FCHSD2: variants seen among roughly 807,000 people sequenced by gnomAD.
FCHSD2 encodes the protein F-BAR and double SH3 domains protein 2.
Under a neutral mutation model 108.1 loss-of-function variants are expected in FCHSD2, and 38 were observed. The observed-to-expected ratio is 0.35, with a 90% CI of 0.27 to 0.46. The LOEUF is 0.46. Ranked by LOEUF, FCHSD2 falls within the 20% of genes least tolerant of loss-of-function variation. The pLI, the probability that FCHSD2 is intolerant of heterozygous loss-of-function variation, is 1.00. For missense variants in FCHSD2, 751 were observed against 897.8 expected (o/e 0.84, Z 2.09); for synonymous variants, 279 against 314.7 (o/e 0.89, Z 1.20).
intron 2 of FCHSD2, among the ~76,000 whole-genome samples, chr11:73,091,972 T>C (rs1386819177): frequency 1.3e-5 from 2 of 151,964 alleles, no homozygotes; most frequent in East Asian, 3.9e-4. Flanking sequence ...GAGACAGAGG[T>C]TGCAGTGAGC....
chr11:72,922,834 A>G (rs1331585723), intron 8 of FCHSD2, among the ~76,000 whole-genome samples: 1 of 152,194 alleles, frequency 6.6e-6, no homozygotes, highest in Non-Finnish European at 1.5e-5. Context: ...AAAGTGTACA[A>G]CTCAGTGGCT....
At chr11:73,141,017 A>G (rs1183465209) in intron 1 of FCHSD2, among the ~76,000 whole-genome samples, 4 of 152,204 alleles carry the variant, frequency 2.6e-5, no homozygotes, top group Admixed American at 2.6e-4. Context: ...TTTGCCCACG[A>G]GGGGAGGACA....
At chr11:72,880,488 T>C (rs930078270) in intron 12 of FCHSD2, among the ~76,000 whole-genome samples, 29 of 152,244 alleles carry the variant, frequency 1.9e-4, no homozygotes, top group African/African-American at 1.9e-4. Context: ...AGAATTTACA[T>C]TGGGGAAAGG....
In FCHSD2 at chr11:72,957,938, CAT is replaced by C. The variant is rs1856746889; in HGVS notation, c.705+26148_705+26149del. Among the ~76,000 whole-genome samples the C allele has an allele frequency of 2.6e-5, 4 of 152,094 alleles. No individual in the cohort carries two copies. The South Asian group carries it at 8.3e-4, about 32-fold the overall frequency. On this transcript the variant is annotated intron_variant, in intron 8 of 19. Coordinates refer to ENST00000409418, the MANE Select transcript of FCHSD2 (RefSeq NM_014824.3). Reference sequence around the variant, plus strand: ...TTCTACAAGTTTGGAATTATATAAACATAAATTATTTTAAAAAGTTAACATAA... The same window carrying C: ...TTCTACAAGTTTGGAATTATATAAACAAATTATTTTAAAAAGTTAACATAA...
intron 3 of FCHSD2, among the ~76,000 whole-genome samples, chr11:73,067,095 C>CA (rs1488669831): frequency 6.6e-6 from 1 of 152,122 alleles, no homozygotes; most frequent in Non-Finnish European, 1.5e-5. Flanking sequence ...AAATGTCTAT[C>CA]AATTATAGAC....
chr11:72,897,362 T>G (rs955027012), intron 10 of FCHSD2, among the ~76,000 whole-genome samples: 1 of 149,528 alleles, frequency 6.7e-6, no homozygotes, highest in Non-Finnish European at 1.5e-5. Context: ...GTACTGAACA[T>G]GTACAGACTT....
At chr11:72,928,153 T>A (rs778315920) in intron 8 of FCHSD2, among the ~76,000 whole-genome samples, 2 of 151,748 alleles carry the variant, frequency 1.3e-5, no homozygotes, top group Non-Finnish European at 2.9e-5. Context: ...TACGTGGGGG[T>A]CATTATACTG....
chr11:73,073,069 G>A (rs1019648880), intron 3 of FCHSD2, among the ~76,000 whole-genome samples: 1 of 152,134 alleles, frequency 6.6e-6, no homozygotes, highest in African/African-American at 2.4e-5. Flanking sequence ...TTCACTAGCA[G>A]CATTCTGCCA....
intron 3 of FCHSD2, among the ~76,000 whole-genome samples, chr11:73,056,108 C>G (rs1267161621): frequency 6.6e-6 from 1 of 152,180 alleles, no homozygotes; most frequent in African/African-American, 2.4e-5. Context: ...TGCTTACTAT[C>G]TTTGACCTAC....
intron 6 of FCHSD2, among the ~76,000 whole-genome samples, chr11:72,985,963 T>C (rs779630693): frequency 6.6e-6 from 1 of 152,100 alleles, no homozygotes; most frequent in Non-Finnish European, 1.5e-5. Context: ...ATTCAATACA[T>C]GTGTTGGCAG....
intron 2 of FCHSD2, among the ~76,000 whole-genome samples, chr11:73,085,996 T>A (rs765994363): frequency 2.0e-5 from 3 of 152,200 alleles, no homozygotes; most frequent in South Asian, 2.1e-4. Flanking sequence ...TTTAAAGATG[T>A]TCAAAGAATT....
chr11:73,010,259 T>C (rs999364426), intron 4 of FCHSD2, among the ~76,000 whole-genome samples: 2 of 152,220 alleles, frequency 1.3e-5, no homozygotes, highest in Non-Finnish European at 2.9e-5. Context: ...GGTTCTTTTT[T>C]ATATCTCTCT....
At chr11:73,125,903 G>A (rs1860843376) in intron 2 of FCHSD2, among the ~76,000 whole-genome samples, 1 of 152,150 alleles carries the variant, frequency 6.6e-6, no homozygotes, top group African/African-American at 2.4e-5. Flanking sequence ...TCCATGGAGA[G>A]AGCTGGCTAA....
intron 2 of FCHSD2, among the ~76,000 whole-genome samples, chr11:73,134,463 C>T (rs1435096475): frequency 6.6e-6 from 1 of 151,844 alleles, no homozygotes; most frequent in Non-Finnish European, 1.5e-5. Flanking sequence ...GGGCGAGACC[C>T]TGTCTCAAAA....
intron 8 of FCHSD2, among the ~76,000 whole-genome samples, chr11:72,973,867 C>G (rs551593498): frequency 2.0e-5 from 3 of 152,222 alleles, no homozygotes; most frequent in Non-Finnish European, 2.9e-5. Context: ...TGCACTGCAA[C>G]AGCTGAACTG....
chr11:72,844,030 G>C (rs1861049461), intron 14 of FCHSD2, among the ~76,000 whole-genome samples: 1 of 151,868 alleles, frequency 6.6e-6, no homozygotes, highest in South Asian at 2.1e-4. Flanking sequence ...CAAAAAAAGA[G>C]AGCACTTCCT....
At chr11:72,985,426 G>C (rs932650749) in intron 6 of FCHSD2, among the ~76,000 whole-genome samples, 2 of 148,544 alleles carry the variant, frequency 1.3e-5, no homozygotes, top group Admixed American at 1.3e-4. Context: ...ATAAACAAGA[G>C]CCATCAAATT....
chr11:73,046,082 C>T (rs1228480304), intron 3 of FCHSD2, among the ~76,000 whole-genome samples: 1 of 149,672 alleles, frequency 6.7e-6, no homozygotes. Flanking sequence ...CTTCGAATTA[C>T]TGGACTCAAG....
At chr11:73,101,271 G>A (rs1860218703) in intron 2 of FCHSD2, among the ~76,000 whole-genome samples, 1 of 152,126 alleles carries the variant, frequency 6.6e-6, no homozygotes, top group Non-Finnish European at 1.5e-5. Context: ...GAGCAACTTT[G>A]GGCAAATCAG....
Sources: allele counts gnomAD v4.1 joint callset (sites outside exome capture counted in the v4.1 genomes callset), GRCh38; gene constraint gnomAD v4.1.1; transcripts MANE v1.5; gene names NCBI Gene and HGNC (gene_info 2026-07-23, HGNC 2026-07-21).